KIRREL1: variants seen among roughly 807,000 people sequenced by gnomAD.
KIRREL1 encodes the protein kirre like nephrin family adhesion molecule 1, also known as kin of IRRE-like protein 1.
KIRREL1 carries 25 observed loss-of-function variants against 83.3 expected under a neutral mutation model. That is an observed-to-expected ratio of 0.30 (90% confidence interval 0.22 to 0.42). KIRREL1 has a LOEUF of 0.42. Among genes scored for constraint, KIRREL1 ranks in the 10% least tolerant of loss-of-function variants. The pLI is 1.00. For missense variants in KIRREL1, 812 were observed against 1,032.3 expected (o/e 0.79, Z 2.92); for synonymous variants, 388 against 410.4 (o/e 0.95, Z 0.66).
chr1:158,037,254 G>GGAGGCT (rs1422595301), intron 1 of KIRREL1, among the ~76,000 whole-genome samples: 2 of 152,160 alleles, frequency 1.3e-5, no homozygotes, highest in African/African-American at 4.8e-5. Flanking sequence ...CAGCACTTTG[G>GGAGGCT]GAGGCTGAGG....
Position 158,084,508 on chromosome 1 carries a change from A to G in KIRREL1, c.439A>G (p.Asn147Asp). The change falls in exon 4 of 15, where the codon AAT (asparagine) becomes GAT (aspartate). Residue 147 changes from asparagine (N) to aspartate (D), a missense_variant. This residue lies in a region of KIRREL1 where 472 missense variants were observed against 626.8 expected (regional missense o/e 0.75). Coordinates refer to ENST00000359209, the MANE Select transcript of KIRREL1 (RefSeq NM_018240.7). ...CCACAACCTCACATGCCGGGCCTTCAATGCGAAGCCTGCTGCCACCATCAT... is the reference window on the plus strand; with the variant it reads ...CCACAACCTCACATGCCGGGCCTTCGATGCGAAGCCTGCTGCCACCATCAT... ...TPHNLTCRAF[N>D]AKPAATIIWF... 1 of 1,551,766 alleles carries G rather than the reference A, an allele frequency of 6.4e-7. No individual in the cohort carries two copies. The highest frequency in any genetic ancestry group is 8.7e-7 in the Non-Finnish European group (1 of 1,146,998).
chr1:158,093,434 C>T lies in KIRREL1; in HGVS notation c.1567C>T (p.Arg523Cys), dbSNP rs924961577. ...CGCCTTGGTATTCTTCCTCTACCGG[C>T]GCCGCAAAGGCAGTGAGTATGGGCC... ...FIALVFFLYR[R>C]RKGSRKDVTL... The change falls in exon 12 of 15, where the codon CGC becomes TGC. Residue 523 changes from arginine to cysteine, a missense_variant. Physicochemically the swap from Arg to Cys is radical, Grantham distance 180. Around this residue, in one of 3 missense-constraint regions of KIRREL1, gnomAD observed 334 missense variants for 383.7 expected, o/e 0.87. Transcript: ENST00000359209. The T allele has an allele frequency of 1.9e-6, 3 of 1,614,134 alleles. No homozygotes were observed. Among genetic ancestry groups the T allele is most frequent in the Non-Finnish European group, 2.5e-6 (3 of 1,179,964 alleles).
rs1199207889 is a variant in KIRREL1 at position 158,099,807 on chromosome 1, C to T, written c.*4687C>T. On this transcript the variant is annotated 3_prime_UTR_variant, in exon 15 of 15. Coordinates refer to ENST00000359209, the MANE Select transcript of KIRREL1 (RefSeq NM_018240.7). ...TGGAGCTCTTCAGATGCTGTCCCCC[C>T]TGAGAATACCCTAACTCTGGGGAAA... 1.3e-5 allele frequency: 2 copies of T among 152,084 alleles called. No homozygotes were observed. The highest frequency in any genetic ancestry group is 4.8e-5 in the African/African-American group (2 of 41,400). The allele number at this position is 152,084 out of a possible 1,614,324, so 9.4% of individuals were successfully genotyped here.
At chr1:158,078,186 G>C (rs377760799) in intron 3 of KIRREL1, 46 bp downstream of exon 3, 2 of 1,590,056 alleles carry the variant, frequency 1.3e-6, no homozygotes, top group East Asian at 2.3e-5. Context: ...CTGTCTCTCT[G>C]TATCCTGGCA....
chr1:158,050,729 C>G (rs1196090674), intron 1 of KIRREL1, among the ~76,000 whole-genome samples: 1 of 152,078 alleles, frequency 6.6e-6, no homozygotes, highest in Non-Finnish European at 1.5e-5. Context: ...TCTGGCTTTA[C>G]TACTGACCAG....
At chr1:158,026,734 C>T (rs2101662123) in intron 1 of KIRREL1, among the ~76,000 whole-genome samples, 2 of 152,294 alleles carry the variant, frequency 1.3e-5, no homozygotes, top group Middle Eastern at 6.8e-3. Context: ...AGTAACTTGT[C>T]CAGTCTCACA....
At chr1:158,014,125 A>G (rs913731287) in intron 1 of KIRREL1, among the ~76,000 whole-genome samples, 2 of 152,044 alleles carry the variant, frequency 1.3e-5, no homozygotes, top group East Asian at 3.9e-4. Flanking sequence ...GTGATGATAA[A>G]AAAACAGAGC....
chr1:158,011,013 G>A (rs1015698458), intron 1 of KIRREL1, among the ~76,000 whole-genome samples: 6 of 152,046 alleles, frequency 3.9e-5, no homozygotes, highest in Admixed American at 3.9e-4. Context: ...GTGGGGGCAG[G>A]GAAAAAATGA....
At chr1:158,077,950 C>G in intron 2 of KIRREL1, 41 bp from the exon 3 acceptor site, 1 of 1,609,682 alleles carries the variant, frequency 6.2e-7, no homozygotes. Context: ...GAGGATGTGT[C>G]CTTGTTTCAA....
At chr1:158,091,320 G>C in intron 10 of KIRREL1, 38 bp from the exon 11 acceptor site, 1 of 1,592,042 alleles carries the variant, frequency 6.3e-7, no homozygotes, top group Non-Finnish European at 8.6e-7. Context: ...TCTGCCCCCT[G>C]CCCCTTTCTT....
chr1:158,067,766 T>C (rs1363586595), intron 1 of KIRREL1, among the ~76,000 whole-genome samples: 1 of 152,222 alleles, frequency 6.6e-6, no homozygotes, highest in African/African-American at 2.4e-5. Context: ...TTTTCAGGGC[T>C]CTGTTCCTGC....
Position 158,095,641 on chromosome 1 carries a change from G to T in KIRREL1, c.*521G>T, listed in dbSNP as rs766867575. ...CTCCTTCCTCAGGGTACTGCAGAAG[G>T]GAGCGAACAGGGTACTGTTCGCTCT... On this transcript the variant is annotated 3_prime_UTR_variant, in exon 15 of 15. Transcript: ENST00000359209. 3.2e-4 allele frequency: 49 copies of T among 153,210 alleles called. No individual in the cohort carries two copies. The highest frequency in any genetic ancestry group is 6.2e-4 in the Non-Finnish European group (43 of 68,946). The allele number at this position is 153,210 out of a possible 1,614,324, so 9.5% of individuals were successfully genotyped here. A position where few individuals can be genotyped will look rare whatever the true frequency, so the allele number is the denominator to read the frequency against.
At chr1:158,079,948 C>T (rs1661800058) in intron 3 of KIRREL1, among the ~76,000 whole-genome samples, 1 of 152,180 alleles carries the variant, frequency 6.6e-6, no homozygotes, top group Non-Finnish European at 1.5e-5. Context: ...TGTAAAGGCC[C>T]TGAAGGACCA....
rs759734884 is a variant in KIRREL1, at chr1:158,091,559, G to C, written c.1471+3G>C. ...CATCATCCAGCTGGAAGAGCGAGGT[G>C]ACTGGTAGTGCTGCCTGCCAGCTGG... On this transcript the variant is annotated splice_donor_region_variant and intron_variant, in intron 11 of 14. Transcript: ENST00000359209. 1 of 1,613,960 alleles carries C rather than the reference G, an allele frequency of 6.2e-7. No individual in the cohort carries two copies. Among genetic ancestry groups the C allele is most frequent in the Non-Finnish European group, 8.5e-7 (1 of 1,179,946 alleles).
At chr1:158,014,253 C>T (rs1269925755) in intron 1 of KIRREL1, among the ~76,000 whole-genome samples, 2 of 152,002 alleles carry the variant, frequency 1.3e-5, no homozygotes, top group East Asian at 3.9e-4. Context: ...GAGAGAGAAA[C>T]CTCAACTTTT....
intron 3 of KIRREL1, among the ~76,000 whole-genome samples, chr1:158,078,479 C>T (rs1661751585): frequency 6.6e-6 from 1 of 152,182 alleles, no homozygotes; most frequent in Non-Finnish European, 1.5e-5. Context: ...GCCCTCCTTT[C>T]CCAGCTGTCC....
At chr1:158,026,381 T>C (rs903243487) in intron 1 of KIRREL1, among the ~76,000 whole-genome samples, 2 of 152,194 alleles carry the variant, frequency 1.3e-5, no homozygotes, top group Non-Finnish European at 2.9e-5. Context: ...CTGGGCTCAC[T>C]GACTGGACAT....
intron 1 of KIRREL1, among the ~76,000 whole-genome samples, chr1:158,073,501 A>G (rs891634770): frequency 6.6e-6 from 1 of 152,232 alleles, no homozygotes; most frequent in African/African-American, 2.4e-5. Context: ...CCAGAAATAG[A>G]CATTAACATT....
At chr1:158,025,428 T>C (rs6671484) in intron 1 of KIRREL1, 143,403 of 152,346 alleles carry the variant, frequency 0.94, 67,678 homozygotes, top group East Asian at 1. Flanking sequence ...CTGAAGACTC[T>C]GAGGAGGGAC....
Sources: allele counts gnomAD v4.1 joint callset (sites outside exome capture counted in the v4.1 genomes callset), GRCh38; gene constraint gnomAD v4.1.1; regional missense constraint gnomAD v4.1.1; transcripts MANE v1.5; gene names NCBI Gene and HGNC (gene_info 2026-07-23, HGNC 2026-07-21).